MYO1B: variants seen among roughly 807,000 people sequenced by gnomAD.
MYO1B encodes the protein unconventional myosin-Ib.
MYO1B carries 72 observed loss-of-function variants against 159.7 expected under a neutral mutation model. The ratio of observed to expected loss-of-function variants is 0.45; its 90% CI spans 0.37 to 0.55. The LOEUF is 0.55. Ranked by LOEUF, MYO1B falls within the 20% of genes least tolerant of loss-of-function variation. The pLI is 0.00. For synonymous variants in MYO1B, 468 were observed against 473.8 expected (o/e 0.99, Z 0.16); for missense variants, 1,062 against 1,364.8 (o/e 0.78, Z 3.50).
At chr2:191,313,840 G>A (rs558744380) in intron 3 of MYO1B, among the ~76,000 whole-genome samples, 2 of 152,202 alleles carry the variant, frequency 1.3e-5, no homozygotes, top group Admixed American at 1.3e-4. Flanking sequence ...TAAGATTGCT[G>A]TGGAAGGTGA....
chr2:191,328,462 T>C (rs1691248141), intron 3 of MYO1B, among the ~76,000 whole-genome samples: 1 of 152,236 alleles, frequency 6.6e-6, no homozygotes, highest in Non-Finnish European at 1.5e-5. Flanking sequence ...AGGCGTTAGC[T>C]CTGGCCCTGC....
At chr2:191,272,798 TTCACTATTAAATAGCGAAGATGA>T (rs1687532422) in intron 1 of MYO1B, among the ~76,000 whole-genome samples, 1 of 152,212 alleles carries the variant, frequency 6.6e-6, no homozygotes. Flanking sequence ...AGTCCACTAT[TTCACTATTAAATAGCGAAGATGA>T]TCATCTTGTC....
At chr2:191,340,048 A>C (rs1340755268) in intron 4 of MYO1B, among the ~76,000 whole-genome samples, 1 of 152,134 alleles carries the variant, frequency 6.6e-6, no homozygotes, top group Non-Finnish European at 1.5e-5. Flanking sequence ...TAGAGCAAAG[A>C]CTTGAGACAA....
chr2:191,383,147 A>G (rs1258060464), intron 14 of MYO1B, 133 bp from the exon 15 acceptor site: 2 of 519,362 alleles, frequency 3.9e-6, no homozygotes, highest in South Asian at 2.3e-5. Flanking sequence ...TGACATTTGC[A>G]GTACCCATTC....
At chr2:191,253,428 T>C (rs1489156548) in intron 1 of MYO1B, among the ~76,000 whole-genome samples, 1 of 152,232 alleles carries the variant, frequency 6.6e-6, no homozygotes, top group African/African-American at 2.4e-5. Flanking sequence ...TACCTTGTTG[T>C]TCTGGATCGT....
chr2:191,347,792 A>G (rs1574480624), intron 6 of MYO1B, among the ~76,000 whole-genome samples: 3 of 152,174 alleles, frequency 2.0e-5, no homozygotes, highest in Admixed American at 6.5e-5. Context: ...GGAGGACTCT[A>G]CTGTATTTAA....
At chr2:191,393,996 A>G (rs931650430) in intron 20 of MYO1B, among the ~76,000 whole-genome samples, 4 of 152,202 alleles carry the variant, frequency 2.6e-5, no homozygotes, top group African/African-American at 7.2e-5. Context: ...AGACTTTGCT[A>G]TAGGGCTGTA....
At chr2:191,390,620 T>G in intron 18 of MYO1B, 128 bp downstream of exon 18, 3 of 1,091,854 alleles carry the variant, frequency 2.7e-6, no homozygotes, top group South Asian at 3.5e-5. Context: ...GTTTTGGACC[T>G]TCTTCCATTA....
intron 5 of MYO1B, 66 bp downstream of exon 5, chr2:191,341,631 T>A: frequency 7.8e-7 from 1 of 1,278,936 alleles, no homozygotes; most frequent in Non-Finnish European, 1.1e-6. Flanking sequence ...GTGGGTGCTT[T>A]GAGTACCTGG....
In MYO1B at chr2:191,386,019, T is replaced by C. The variant is rs759891413; in HGVS notation, c.1489T>C (p.Ser497Pro). The C allele has an allele frequency of 6.2e-7, 1 of 1,614,100 alleles. No homozygotes were observed. The highest frequency in any genetic ancestry group is 1.1e-5 in the South Asian group (1 of 91,076). Residue 497 changes from serine to proline, a missense_variant, in exon 16 of 31, where the codon TCT (serine) becomes CCT (proline). Ser to Pro is a moderately conservative substitution (Grantham distance 74, BLOSUM62 -1). Around this residue, in one of 5 missense-constraint regions of MYO1B, gnomAD observed 26 missense variants for 26.9 expected, o/e 0.97. Transcript: ENST00000392318. ...TTTTGAGAGCAGGATGAGCAAGTGC[T>C]CTCGGTTCCTCAATGACACGTCTCT... ...QHFESRMSKC[S>P]RFLNDTSLPH... is the part of the protein sequence containing the mutation.
At chr2:191,349,022 T>A (rs1201204219) in intron 6 of MYO1B, among the ~76,000 whole-genome samples, 1 of 152,182 alleles carries the variant, frequency 6.6e-6, no homozygotes, top group East Asian at 1.9e-4. Flanking sequence ...ATGGGGCAGA[T>A]TTCCTACTCT....
chr2:191,361,613 CTACATATAG>C (rs1451276539), intron 8 of MYO1B, among the ~76,000 whole-genome samples: 1 of 150,494 alleles, frequency 6.6e-6, no homozygotes, highest in African/African-American at 2.4e-5. Context: ...TATACATATA[CTACATATAG>C]TATAATATAT....
At chr2:191,288,243 TAAAAA>T (rs5837228) in intron 2 of MYO1B, among the ~76,000 whole-genome samples, 2 of 145,282 alleles carry the variant, frequency 1.4e-5, no homozygotes, top group Admixed American at 6.9e-5. Context: ...TAGCTTAGCT[TAAAAA>T]AAAAAAAAAG....
At chr2:191,388,225 C>G (rs145109843) in intron 17 of MYO1B, 1 of 150,266 alleles carries the variant, frequency 6.7e-6, no homozygotes, top group African/African-American at 2.5e-5. Flanking sequence ...TGCAGTGAGC[C>G]GAGGTCACGC....
At chr2:191,423,074 A>G (rs765214500) in intron 30 of MYO1B, among the ~76,000 whole-genome samples, 159 of 152,184 alleles carry the variant, frequency 1.0e-3, no homozygotes, top group Non-Finnish European at 1.9e-3. Context: ...TTGGGACAAG[A>G]AGTGTTCCCA....
At chr2:191,313,989 T>C (rs994947619) in intron 3 of MYO1B, among the ~76,000 whole-genome samples, 64 of 152,346 alleles carry the variant, frequency 4.2e-4, no homozygotes, top group African/African-American at 1.4e-3. Context: ...ATTTATCACA[T>C]GGTCTCTTGT....
Position 191,387,463 on chromosome 2 carries a change from C to T in MYO1B, c.1781+13C>T, listed in dbSNP as rs780308778. ...CAAACTATATTAGGTATTTTTGGCA[C>T]ATGAAACTTTCACAGTTCAAATGTG... On this transcript the variant is annotated intron_variant, in intron 17 of 30. Transcript: ENST00000392318. 4.3e-6 allele frequency: 7 copies of T among 1,610,046 alleles called. No individual in the cohort carries two copies. The highest frequency in any genetic ancestry group is 1.7e-4 in the Middle Eastern group (1 of 6,056).
At chr2:191,383,148 GT>G (rs997883534) in intron 14 of MYO1B, 131 bp from the exon 15 acceptor site, 6 of 525,046 alleles carry the variant, frequency 1.1e-5, no homozygotes, top group Non-Finnish European at 2.0e-5. Flanking sequence ...GACATTTGCA[GT>G]ACCCATTCTA....
chr2:191,392,984 G>C lies in MYO1B; in HGVS notation c.2077-89G>C, dbSNP rs73984125. On this transcript the variant is annotated intron_variant, in intron 19 of 30. Transcript: ENST00000392318. ...TTTTCAATGTAATTGACTCCAACAT[G>C]ATGGCATTTTGTCTCCTGAAAATTC... is the stretch of plus-strand genomic sequence containing the variant. 4,079 of 1,162,486 alleles carry C rather than the reference G, an allele frequency of 3.5e-3. 102 individuals carry two copies. The African/African-American group carries it at 0.055, about 16-fold the overall frequency. 72.0% of individuals were successfully genotyped at this position (1,162,486 alleles called of 1,614,324 possible).
Sources: gnomAD v4.1 joint callset for allele counts (sites outside exome capture counted in the v4.1 genomes callset) on GRCh38, gnomAD v4.1.1 for gene constraint, gnomAD v4.1.1 regional missense constraint, MANE v1.5 for transcripts, NCBI Gene and HGNC (gene_info 2026-07-23, HGNC 2026-07-21) for gene names.